Variants in MIR17HG observed in about 807,000 individuals in gnomAD.
The protein encoded by MIR17HG is MIR17 host gene (non-protein coding).
chr13:91,348,233 G>C (rs1335935393), intron 1 of MIR17HG, among the ~76,000 whole-genome samples: 5 of 149,718 alleles, frequency 3.3e-5, no homozygotes, highest in Non-Finnish European at 7.4e-5. Context: ...CGGGACCCGC[G>C]CAGACCCTGC....
At chr13:91,350,478 A>G (rs1594013583) in intron 3 of MIR17HG, 4 of 450,840 alleles carry the variant, frequency 8.9e-6, no homozygotes, top group Admixed American at 5.0e-5. Flanking sequence ...TTTCTTCCCC[A>G]TTAGGGATTA....
chr13:91,350,476 C>G (rs1875245466), intron 3 of MIR17HG: 1 of 441,864 alleles, frequency 2.3e-6, no homozygotes, highest in African/African-American at 2.0e-5. Context: ...TTTTTCTTCC[C>G]CATTAGGGAT....
chr13:91,351,256 A>G (rs752994578), intron 3 of MIR17HG: 1 of 529,706 alleles, frequency 1.9e-6, no homozygotes. Flanking sequence ...GTGCAAATCC[A>G]TGCAAAACTG....
rs1169216790 is a variant in MIR17HG at position 91,349,366 on chromosome 13, A to G, written n.141-332A>G. On this transcript the variant is annotated intron_variant and non_coding_transcript_variant, in intron 1 of 3. Coordinates refer to ENST00000400282, the Ensembl canonical transcript of MIR17HG. ...TTGATTGGGGGAGGGGTGGTGAAGA[A>G]TAGTCTGTGGGCTGCTTTTTTTTTT... 2.0e-5 allele frequency among the ~76,000 whole-genome samples: 3 copies of G among 151,948 alleles called. No homozygotes were observed. The East Asian group carries it at 5.8e-4, about 29-fold the overall frequency.
At chr13:91,348,660 C>G (rs942807927) in intron 1 of MIR17HG, among the ~76,000 whole-genome samples, 15 of 150,852 alleles carry the variant, frequency 9.9e-5, no homozygotes, top group African/African-American at 3.6e-4. Context: ...CCGTGGCCCT[C>G]GGAGGAGGCC....
At chr13:91,350,596 T>C (rs377702898) in intron 3 of MIR17HG, 5 of 534,020 alleles carry the variant, frequency 9.4e-6, no homozygotes, top group Non-Finnish European at 1.9e-5. Flanking sequence ...AAACTGAAGA[T>C]TGTGACCAGT....
intron 1 of MIR17HG, among the ~76,000 whole-genome samples, chr13:91,348,752 C>T (rs1198055444): frequency 6.7e-6 from 1 of 150,142 alleles, no homozygotes; most frequent in Non-Finnish European, 1.5e-5. Context: ...CAGCCCGGCT[C>T]GGCGGGAGCG....
At chr13:91,351,330 G>A (rs1566344774) in intron 3 of MIR17HG, 1 of 531,906 alleles carries the variant, frequency 1.9e-6, no homozygotes. Context: ...ACACAGGTTG[G>A]GATCGGTTGC....
intron 1 of MIR17HG, among the ~76,000 whole-genome samples, chr13:91,348,451 G>T (rs998530460): frequency 6.6e-6 from 1 of 151,006 alleles, no homozygotes; most frequent in Admixed American, 6.6e-5. Flanking sequence ...CCGCGGGCCG[G>T]GAGGGGGCGC....
intron 1 of MIR17HG, among the ~76,000 whole-genome samples, chr13:91,348,866 C>T (rs1189023352): frequency 3.4e-5 from 5 of 149,006 alleles, no homozygotes; most frequent in African/African-American, 1.2e-4. Flanking sequence ...GCTTAGGCCT[C>T]GGGCCGCGTG....
chr13:91,352,491 C>A (rs1875366790), intron 3 of MIR17HG: 1 of 152,284 alleles, frequency 6.6e-6, no homozygotes, highest in Admixed American at 6.5e-5. Context: ...AAATAAACTT[C>A]CATAACACTA....
chr13:91,351,112 C>T (rs926478042), intron 3 of MIR17HG: 1 of 524,464 alleles, frequency 1.9e-6, no homozygotes, highest in Non-Finnish European at 4.0e-6. Context: ...TTATCTACTG[C>T]ATTATGAGCA....
chr13:91,350,076 G>C (rs186099907), intron 2 of MIR17HG: 2 of 156,834 alleles, frequency 1.3e-5, no homozygotes, highest in Admixed American at 1.2e-4. Context: ...ATTTAAACAG[G>C]ATATTTACGT....
At chr13:91,351,588 AT>A in intron 3 of MIR17HG, 1 of 319,830 alleles carries the variant, frequency 3.1e-6, no homozygotes, top group Non-Finnish European at 6.4e-6. Flanking sequence ...TTCTGGCTAT[AT>A]TTTTTGTTGT....
At chr13:91,348,585 C>A (rs1016749696) in intron 1 of MIR17HG, among the ~76,000 whole-genome samples, 1 of 151,086 alleles carries the variant, frequency 6.6e-6, no homozygotes, top group African/African-American at 2.4e-5. Flanking sequence ...GGGCGCCACC[C>A]CCGCTCCGCG....
intron 1 of MIR17HG, among the ~76,000 whole-genome samples, chr13:91,348,648 C>T (rs559166483): frequency 5.4e-4 from 82 of 150,980 alleles, no homozygotes; most frequent in African/African-American, 1.7e-3. Flanking sequence ...GCAACTTCCC[C>T]GCCGTGGCCC....
At chr13:91,351,446 T>TC (rs1198113164) in intron 3 of MIR17HG, 19 of 498,646 alleles carry the variant, frequency 3.8e-5, no homozygotes, top group Non-Finnish European at 6.9e-5. Context: ...GATTTCGACT[T>TC]CCACTGTTAA....
At chr13:91,347,811 C>T (rs1875035376), upstream of MIR17HG, 7 of 151,342 alleles carry the variant, frequency 4.6e-5, no homozygotes, top group South Asian at 1.4e-3. Flanking sequence ...GGGGCTCGCG[C>T]TCCTCCGCGA....
chr13:91,354,077 T>C (rs1460186751), exon 4 of MIR17HG: 2 of 152,496 alleles, frequency 1.3e-5, no homozygotes, highest in East Asian at 3.8e-4. Flanking sequence ...TGATACACTG[T>C]TTAATTGACA....
Sources: allele counts gnomAD v4.1 joint callset (sites outside exome capture counted in the v4.1 genomes callset), GRCh38; gene constraint gnomAD v4.1.1; transcripts MANE v1.5; gene names NCBI Gene and HGNC (gene_info 2026-07-23, HGNC 2026-07-21).